EPS15L1: variants seen among roughly 807,000 people sequenced by gnomAD.
EPS15L1 encodes the protein epidermal growth factor receptor substrate 15-like 1.
EPS15L1 carries 43 observed loss-of-function variants against 117.1 expected under a neutral mutation model. The ratio of observed to expected loss-of-function variants is 0.37; its 90% CI spans 0.29 to 0.47. The LOEUF is 0.47. Ranked by LOEUF, EPS15L1 falls within the 20% of genes least tolerant of loss-of-function variation. The pLI is 0.99. For synonymous variants in EPS15L1, 459 were observed against 470.5 expected (o/e 0.98, Z 0.32); for missense variants, 981 against 1,164.0 (o/e 0.84, Z 2.29).
rs371273945 is a variant in EPS15L1, at chr19:16,425,078, C to T, written c.792+5G>A. 64 of 1,612,552 alleles carry T rather than the reference C, an allele frequency of 4.0e-5. No individual in the cohort carries two copies. The highest frequency in any genetic ancestry group is 5.0e-5 in the Non-Finnish European group (59 of 1,178,658). On this transcript the variant is annotated splice_donor_5th_base_variant and intron_variant, in intron 9 of 23. Coordinates refer to ENST00000455140, the MANE Select transcript of EPS15L1 (RefSeq NM_001258374.3). ...AGGGGGCTGTGCCCGCTGAGGGCTC[C>T]GTACCTGTGTTTGCTTGAGGCTGTG...
chr19:16,454,819 CTTT>C (rs538990101), intron 1 of EPS15L1, among the ~76,000 whole-genome samples: 2 of 143,540 alleles, frequency 1.4e-5, no homozygotes. Context: ...TTTCTTTTTT[CTTT>C]TTTTTTTTTT....
At chr19:16,465,636 T>C (rs2093297624) in intron 1 of EPS15L1, among the ~76,000 whole-genome samples, 1 of 152,154 alleles carries the variant, frequency 6.6e-6, no homozygotes. Flanking sequence ...GAGCTTTGAT[T>C]GCACCACTGT....
chr19:16,362,403 A>G (rs1204755681), intron 22 of EPS15L1, among the ~76,000 whole-genome samples: 1 of 147,234 alleles, frequency 6.8e-6, no homozygotes, highest in East Asian at 2.0e-4. Flanking sequence ...CAGAGGGGAG[A>G]GTTACTTGCA....
chr19:16,417,523 TG>T, intron 12 of EPS15L1, 28 bp downstream of exon 12: 1 of 1,571,538 alleles, frequency 6.4e-7, no homozygotes, highest in Non-Finnish European at 8.8e-7. Context: ...AACATCTGGA[TG>T]TGGAGGGAAG....
chr19:16,462,891 G>A (rs539288589), intron 1 of EPS15L1, among the ~76,000 whole-genome samples: 2 of 152,258 alleles, frequency 1.3e-5, no homozygotes, highest in African/African-American at 4.8e-5. Flanking sequence ...AGGCACAGGC[G>A]CCCTCTTCCT....
chr19:16,445,478 A>C (rs2145097589), intron 1 of EPS15L1, among the ~76,000 whole-genome samples: 1 of 152,374 alleles, frequency 6.6e-6, no homozygotes, highest in Non-Finnish European at 1.5e-5. Flanking sequence ...GAAAGAAGGT[A>C]CAGCACCAGG....
At chr19:16,366,879 T>C (rs948947923) in intron 22 of EPS15L1, among the ~76,000 whole-genome samples, 4 of 152,186 alleles carry the variant, frequency 2.6e-5, no homozygotes, top group Admixed American at 2.6e-4. Context: ...TCAAACCTTC[T>C]AGGTCTAGTT....
intron 21 of EPS15L1, among the ~76,000 whole-genome samples, chr19:16,379,712 T>C (rs765496563): frequency 1.3e-4 from 20 of 151,848 alleles, no homozygotes; most frequent in Non-Finnish European, 2.4e-4. Flanking sequence ...AATGCAACCA[T>C]CTAAGGCTCC....
chr19:16,361,910 C>T lies in EPS15L1; in HGVS notation c.2455G>A (p.Ala819Thr). 6.2e-7 allele frequency: 1 copy of T among 1,614,114 alleles called. No individual in the cohort carries two copies. Among genetic ancestry groups the T allele is most frequent in the South Asian group, 1.1e-5 (1 of 91,076 alleles). The change falls in exon 23 of 24, where the codon GCT (alanine) becomes ACT (threonine). Residue 819 changes from alanine (A) to threonine (T), a missense_variant. Physicochemically the swap from Ala to Thr is moderately conservative, Grantham distance 58. This residue lies in a region of EPS15L1 where 819 missense variants were observed against 949.0 expected (regional missense o/e 0.86). Transcript: ENST00000455140. ...CTTTGGAACGGGTCGCCGCTGTCAG[C>T]CCCGAGTGGCTGGAATGGATCGGGG... ...EAPDPFQPLG[A>T]DSGDPFQSKK...
At chr19:16,425,001 T>A (rs2092855048) in intron 9 of EPS15L1, 82 bp downstream of exon 9, 1 of 1,207,668 alleles carries the variant, frequency 8.3e-7, no homozygotes, top group Non-Finnish European at 1.2e-6. Context: ...AGCTTGACCG[T>A]TCTGGGGTTG....
At chr19:16,456,614 T>C (rs1035635671) in intron 1 of EPS15L1, among the ~76,000 whole-genome samples, 9 of 151,886 alleles carry the variant, frequency 5.9e-5, no homozygotes, top group Non-Finnish European at 1.0e-4. Flanking sequence ...GCCAAGATGA[T>C]GCCATTGCAC....
At chr19:16,369,131 T>G (rs918030003) in intron 22 of EPS15L1, among the ~76,000 whole-genome samples, 1 of 152,006 alleles carries the variant, frequency 6.6e-6, no homozygotes, top group African/African-American at 2.4e-5. Flanking sequence ...CTAAGACACA[T>G]GAGGGGAGTT....
intron 1 of EPS15L1, among the ~76,000 whole-genome samples, chr19:16,461,563 G>A (rs937335491): frequency 3.4e-5 from 5 of 148,398 alleles, no homozygotes; most frequent in Middle Eastern, 3.5e-3. Flanking sequence ...CAAAGGTTGC[G>A]GTGAGCTGAG....
chr19:16,377,739 G>A (rs1240552622), intron 21 of EPS15L1, among the ~76,000 whole-genome samples: 1 of 152,226 alleles, frequency 6.6e-6, no homozygotes, highest in Non-Finnish European at 1.5e-5. Context: ...ACAGCTCCAG[G>A]TGCTGGGTCA....
At position 16,459,629 on chromosome 19, in the gene EPS15L1, C is replaced by T. The variant is rs977952165; in HGVS notation, c.33+12284G>A. 3.3e-5 allele frequency among the ~76,000 whole-genome samples: 5 copies of T among 152,194 alleles called. No individual in the cohort carries two copies. The South Asian group carries it at 8.3e-4, about 25-fold the overall frequency. On this transcript the variant is annotated intron_variant, in intron 1 of 23. Transcript: ENST00000455140. ...CCATCTGTAAAATGAGAATAGACAG[C>T]ACCTGGCCTGAGGATGCTGGTAAGT...
At chr19:16,471,975 G>T (rs1228556251), upstream of EPS15L1, 3 of 1,266,848 alleles carry the variant, frequency 2.4e-6, no homozygotes, top group Non-Finnish European at 9.9e-7. This position sits in a 1 kb window ranked among gnomAD's most constrained non-coding sequence, Gnocchi z 4.8. Context: ...CCGAGCGCCG[G>T]GGGAACGGGG....
intron 1 of EPS15L1, among the ~76,000 whole-genome samples, chr19:16,456,401 A>T (rs1038488819): frequency 6.6e-6 from 1 of 151,074 alleles, no homozygotes; most frequent in East Asian, 2.0e-4. Context: ...TCACGCCTGT[A>T]ATCTCAGCAC....
At chr19:16,417,774 T>C (rs2092772964) in intron 11 of EPS15L1, 137 bp from the exon 12 acceptor site, 2 of 1,169,092 alleles carry the variant, frequency 1.7e-6, no homozygotes. Flanking sequence ...GTCAGCCCCC[T>C]GCCTGGGGAA....
intron 13 of EPS15L1, among the ~76,000 whole-genome samples, chr19:16,407,784 G>A (rs972461967): frequency 7.2e-5 from 11 of 152,160 alleles, no homozygotes; most frequent in Non-Finnish European, 1.3e-4. Flanking sequence ...GGCAGTCTCC[G>A]TCTTCCCCCT....
Sources: gnomAD v4.1 joint callset for allele counts (sites outside exome capture counted in the v4.1 genomes callset) on GRCh38, gnomAD v4.1.1 for gene constraint, gnomAD v4.1.1 regional missense constraint, Gnocchi (gnomAD v3.1) non-coding constraint, MANE v1.5 for transcripts, NCBI Gene and HGNC (gene_info 2026-07-23, HGNC 2026-07-21) for gene names.